Variants in TOM1L2 observed in about 807,000 individuals in gnomAD.
TOM1L2 encodes the protein target of myb1 like 2 membrane trafficking protein.
Under a neutral mutation model 67.9 loss-of-function variants are expected in TOM1L2, and 31 were observed. That is an observed-to-expected ratio of 0.46 (90% CI 0.34 to 0.62). TOM1L2 has a LOEUF of 0.62. TOM1L2 is among the 20% of genes least tolerant of loss of function. TOM1L2 has a pLI of 0.01. For synonymous variants in TOM1L2, 256 were observed against 254.0 expected (o/e 1.01, Z -0.07); for missense variants, 606 against 663.5 (o/e 0.91, Z 0.95).
intron 1 of TOM1L2, among the ~76,000 whole-genome samples, chr17:17,937,456 T>C (rs1050323774): frequency 6.6e-6 from 1 of 152,194 alleles, no homozygotes; most frequent in African/African-American, 2.4e-5. Flanking sequence ...CAGGTAAGAA[T>C]GGTGAGGGCC....
intron 1 of TOM1L2, among the ~76,000 whole-genome samples, chr17:17,951,995 T>C (rs929203310): frequency 2.0e-5 from 3 of 152,174 alleles, no homozygotes; most frequent in South Asian, 2.1e-4. Flanking sequence ...TAGTCTGACA[T>C]GAGCATTTTG....
chr17:17,862,962 GT>G, intron 10 of TOM1L2, 114 bp from the exon 11 acceptor site: 2 of 650,574 alleles, frequency 3.1e-6, no homozygotes, highest in East Asian at 2.8e-5. Flanking sequence ...CATGGGGAGG[GT>G]GGGGCGGGAC....
intron 10 of TOM1L2, 22 bp downstream of exon 10, chr17:17,866,274 T>G (rs1216395137): frequency 1.2e-6 from 2 of 1,605,242 alleles, no homozygotes; most frequent in Non-Finnish European, 1.7e-6. Context: ...GGTAGGCCCT[T>G]TTGTCCCTGT....
chr17:17,914,033 C>T (rs1030462369), intron 1 of TOM1L2, among the ~76,000 whole-genome samples: 2 of 152,198 alleles, frequency 1.3e-5, no homozygotes, highest in Non-Finnish European at 2.9e-5. Flanking sequence ...AGTCCAGGCC[C>T]GCAGGCAAAG....
At position 17,893,694 on chromosome 17, in the gene TOM1L2, G is replaced by A. The variant is rs752966416; in HGVS notation, c.333C>T (p.Thr111=). The change falls in exon 4 of 15, where the codon ACC becomes ACT. Residue 111 remains threonine (T), a synonymous_variant. Transcript: ENST00000379504. ...KIISPKNNPP[T]IVQDKVLALI... ...GAGCAAGCACTTTGTCCTGTACAAT[G>A]GTGGGAGGGTTGTTCTTGGGAGATA... 4 of 1,614,152 alleles carry A rather than the reference G, an allele frequency of 2.5e-6. No homozygotes were observed. In the East Asian group the frequency reaches 6.7e-5, roughly 27 times the overall value.
chr17:17,949,013 T>A (rs898198299), intron 1 of TOM1L2, among the ~76,000 whole-genome samples: 1 of 152,066 alleles, frequency 6.6e-6, no homozygotes, highest in Admixed American at 6.6e-5. Context: ...AGGGGCCACA[T>A]ACAGAGTGAC....
chr17:17,956,093 G>C (rs1036440100), intron 1 of TOM1L2, among the ~76,000 whole-genome samples: 1 of 152,172 alleles, frequency 6.6e-6, no homozygotes, highest in Admixed American at 6.5e-5. Flanking sequence ...AAAGAACAAA[G>C]CCTCCCCCGC....
intron 1 of TOM1L2, among the ~76,000 whole-genome samples, chr17:17,954,097 T>C (rs1436549090): frequency 6.6e-6 from 1 of 152,232 alleles, no homozygotes; most frequent in Admixed American, 6.5e-5. Flanking sequence ...GCCAGCTTTG[T>C]GGCAGTGGGA....
intron 1 of TOM1L2, among the ~76,000 whole-genome samples, chr17:17,924,081 G>A (rs1336740536): frequency 1.3e-5 from 2 of 152,122 alleles, no homozygotes; most frequent in Non-Finnish European, 2.9e-5. Context: ...AGGTTGCAGT[G>A]AGCCGAGATC....
chr17:17,874,506 A>C (rs2037322927), intron 7 of TOM1L2, among the ~76,000 whole-genome samples: 2 of 151,672 alleles, frequency 1.3e-5, no homozygotes, highest in African/African-American at 2.4e-5. Flanking sequence ...CCTGACCTCA[A>C]GTGATCCACT....
At chr17:17,859,808 G>A (rs2036454860) in intron 12 of TOM1L2, 1 of 152,268 alleles carries the variant, frequency 6.6e-6, no homozygotes, top group South Asian at 2.1e-4. Context: ...TTGAACCTGG[G>A]AGAGGAAAGC....
intron 3 of TOM1L2, among the ~76,000 whole-genome samples, chr17:17,896,465 C>T (rs2038577216): frequency 3.9e-5 from 6 of 152,190 alleles, no homozygotes; most frequent in Admixed American, 3.9e-4. Flanking sequence ...GTTTCTCCTG[C>T]ACAGCAGTCC....
At chr17:17,907,318 T>A in intron 2 of TOM1L2, 129 bp downstream of exon 2, 1 of 746,360 alleles carries the variant, frequency 1.3e-6, no homozygotes, top group Non-Finnish European at 2.1e-6. Context: ...AGTGTCAGCT[T>A]ATTCGATGCC....
At chr17:17,917,500 T>C (rs1305446381) in intron 1 of TOM1L2, among the ~76,000 whole-genome samples, 1 of 130,526 alleles carries the variant, frequency 7.7e-6, no homozygotes, top group African/African-American at 2.9e-5. Context: ...GGTCTTGCTA[T>C]GTTGCCCAGT....
At chr17:17,936,350 A>G (rs1446866755) in intron 1 of TOM1L2, among the ~76,000 whole-genome samples, 4 of 152,198 alleles carry the variant, frequency 2.6e-5, no homozygotes, top group African/African-American at 9.7e-5. Context: ...TCCTCACACT[A>G]GTGCCCCTGC....
intron 1 of TOM1L2, among the ~76,000 whole-genome samples, chr17:17,955,922 G>A (rs2144957598): frequency 6.6e-6 from 1 of 152,282 alleles, no homozygotes; most frequent in Non-Finnish European, 1.5e-5. Flanking sequence ...CAGCGTGTCT[G>A]AAGTTGTTCG....
chr17:17,880,564 C>G (rs1054953355), intron 6 of TOM1L2, among the ~76,000 whole-genome samples: 1 of 152,224 alleles, frequency 6.6e-6, no homozygotes, highest in East Asian at 1.9e-4. Flanking sequence ...ATAGAAGAAT[C>G]TGCATAGAGG....
intron 1 of TOM1L2, among the ~76,000 whole-genome samples, chr17:17,929,832 A>T (rs569000272): frequency 6.6e-6 from 1 of 152,324 alleles, no homozygotes; most frequent in African/African-American, 2.4e-5. Flanking sequence ...GTCAGATACC[A>T]CTTCTGCCCT....
At chr17:17,848,277 T>G in intron 14 of TOM1L2, among the ~76,000 whole-genome samples, 1 of 152,098 alleles carries the variant, frequency 6.6e-6, no homozygotes, top group African/African-American at 2.4e-5. Flanking sequence ...CGGAGCGGTC[T>G]GGCCACAGGG....
Sources: gnomAD v4.1 joint callset for allele counts (sites outside exome capture counted in the v4.1 genomes callset) on GRCh38, gnomAD v4.1.1 for gene constraint, MANE v1.5 for transcripts, NCBI Gene and HGNC (gene_info 2026-07-23, HGNC 2026-07-21) for gene names.